ASAP2: variants seen among roughly 807,000 people sequenced by gnomAD.
The protein encoded by ASAP2 is arf-GAP with SH3 domain, ANK repeat and PH domain-containing protein 2.
Under a neutral mutation model 131.4 loss-of-function variants are expected in ASAP2, and 45 were observed. That is an observed-to-expected ratio of 0.34 (90% CI 0.27 to 0.44). The LOEUF (loss-of-function observed/expected upper bound fraction) is 0.44. ASAP2 is among the 20% of genes least tolerant of loss of function. ASAP2 has a pLI of 1.00. For missense variants in ASAP2, 1,011 were observed against 1,297.0 expected (o/e 0.78, Z 3.39); for synonymous variants, 510 against 503.0 (o/e 1.01, Z -0.19).
At chr2:9,267,726 C>T (rs540948681) in intron 1 of ASAP2, among the ~76,000 whole-genome samples, 3 of 151,758 alleles carry the variant, frequency 2.0e-5, no homozygotes, top group Non-Finnish European at 4.4e-5. Flanking sequence ...GTGAAACCCC[C>T]GTCTCTACTA....
intron 1 of ASAP2, among the ~76,000 whole-genome samples, chr2:9,209,133 G>A (rs1392105067): frequency 6.6e-6 from 1 of 152,190 alleles, no homozygotes; most frequent in African/African-American, 2.4e-5. Context: ...TCATTAAATT[G>A]CAAGCTTGCT....
chr2:9,340,013 A>G (rs1671474175), intron 9 of ASAP2, among the ~76,000 whole-genome samples: 1 of 152,074 alleles, frequency 6.6e-6, no homozygotes, highest in Non-Finnish European at 1.5e-5. Flanking sequence ...ATGTTTGCCC[A>G]TGTCTGCAGC....
chr2:9,347,512 C>G (rs1200620291), intron 11 of ASAP2, among the ~76,000 whole-genome samples: 1 of 152,170 alleles, frequency 6.6e-6, no homozygotes, highest in Non-Finnish European at 1.5e-5. Flanking sequence ...CGAAGCAGGT[C>G]TTTAAGAAAT....
chr2:9,371,294 G>A (rs1045103630), intron 16 of ASAP2, among the ~76,000 whole-genome samples: 9 of 152,054 alleles, frequency 5.9e-5, no homozygotes, highest in African/African-American at 2.2e-4. Context: ...TATAGCATTT[G>A]GCTCTATTTT....
Position 9,404,669 on chromosome 2 carries a change from T to C in ASAP2, c.*1342T>C, listed in dbSNP as rs1677048733. The C allele has an allele frequency of 6.6e-6, 1 of 152,440 alleles. No individual in the cohort carries two copies. 9.4% of individuals were successfully genotyped at this position (152,440 alleles called of 1,614,324 possible). On this transcript the variant is annotated 3_prime_UTR_variant, in exon 28 of 28. Transcript: ENST00000281419. Reference sequence around the variant, plus strand: ...TTGGAAAGTGAGGCAGCAATGCTGTTAACTGCATTTGTTGTGATGGTGCAT... The same window carrying C: ...TTGGAAAGTGAGGCAGCAATGCTGTCAACTGCATTTGTTGTGATGGTGCAT...
chr2:9,338,203 G>A (rs559470158), intron 9 of ASAP2, among the ~76,000 whole-genome samples: 31 of 152,128 alleles, frequency 2.0e-4, no homozygotes, highest in Non-Finnish European at 4.1e-4. Flanking sequence ...TGCTTCTATG[G>A]GGAGGATCAG....
intron 3 of ASAP2, among the ~76,000 whole-genome samples, chr2:9,302,690 G>C (rs984739629): frequency 1.3e-5 from 2 of 152,046 alleles, no homozygotes; most frequent in African/African-American, 4.8e-5. Flanking sequence ...GGCCAGGCTG[G>C]TCTCGAACTC....
chr2:9,305,863 A>G (rs1241576696), intron 3 of ASAP2, among the ~76,000 whole-genome samples: 3 of 131,234 alleles, frequency 2.3e-5, no homozygotes, highest in South Asian at 2.6e-4. Flanking sequence ...ATTGGTGTAG[A>G]GGCTGTAGTA....
chr2:9,207,904 C>T lies in ASAP2; in HGVS notation c.126+674C>T, dbSNP rs1205953087. Among the ~76,000 whole-genome samples the T allele has an allele frequency of 2.0e-5, 3 of 152,214 alleles. No homozygotes were observed. The highest frequency in any genetic ancestry group is 4.4e-5 in the Non-Finnish European group (3 of 68,032). ...CCGGAATGCCGCCCTTCCCCCTCAACCTGGAAAAGGCCTGGTTTTAGTAAA... is the reference window on the plus strand; with the variant it reads ...CCGGAATGCCGCCCTTCCCCCTCAATCTGGAAAAGGCCTGGTTTTAGTAAA... On this transcript the variant is annotated intron_variant, in intron 1 of 27. Transcript: ENST00000281419. The surrounding 1 kb of genome is among the most constrained non-coding windows in gnomAD (Gnocchi z 4.1).
intron 3 of ASAP2, among the ~76,000 whole-genome samples, chr2:9,304,648 G>A (rs1172779069): frequency 3.3e-5 from 5 of 151,174 alleles, no homozygotes; most frequent in African/African-American, 1.2e-4. Flanking sequence ...ATTGGTGGAG[G>A]GGTTGTAGTA....
At chr2:9,298,814 GC>G (rs2148401669) in intron 3 of ASAP2, among the ~76,000 whole-genome samples, 1 of 152,304 alleles carries the variant, frequency 6.6e-6, no homozygotes, top group Non-Finnish European at 1.5e-5. Context: ...ACACAGAGCT[GC>G]CTGTTAGCTT....
Position 9,217,034 on chromosome 2 carries a change from T to TA in ASAP2, c.126+9805dup, listed in dbSNP as rs1355298745. ...AGGGGCCAGCAAAATTAGGCCACGGTACCAAGTTCATGGAGCTTGGAGGTG... is the reference window on the plus strand; with the variant it reads ...AGGGGCCAGCAAAATTAGGCCACGGTAACCAAGTTCATGGAGCTTGGAGGTG... On this transcript the variant is annotated intron_variant, in intron 1 of 27. Transcript: ENST00000281419. The surrounding 1 kb of genome is among the most constrained non-coding windows in gnomAD (Gnocchi z 4.0). 6.6e-6 allele frequency among the ~76,000 whole-genome samples: 1 copy of TA among 152,224 alleles called. No individual in the cohort carries two copies. The highest frequency in any genetic ancestry group is 1.5e-5 in the Non-Finnish European group (1 of 68,028).
chr2:9,331,565 C>G (rs922945275), intron 7 of ASAP2, among the ~76,000 whole-genome samples: 3 of 152,086 alleles, frequency 2.0e-5, no homozygotes, highest in Non-Finnish European at 2.9e-5. Context: ...GTCAGGAGTT[C>G]AAGACCAGCC....
chr2:9,368,527 T>C lies in ASAP2; in HGVS notation c.1556+8T>C, dbSNP rs780178524. 1.1e-5 allele frequency: 18 copies of C among 1,611,116 alleles called. No individual in the cohort carries two copies. In the East Asian group the frequency reaches 3.3e-4, roughly 30 times the overall value. ...CAACCCAGGCAGCGACATGTAAGTA[T>C]GGGACTGGCTATTCTCATTTGCTGA... On this transcript the variant is annotated splice_region_variant and intron_variant, in intron 16 of 27. Transcript: ENST00000281419.
At chr2:9,318,683 C>A in intron 4 of ASAP2, 85 bp downstream of exon 4, 2 of 833,896 alleles carry the variant, frequency 2.4e-6, no homozygotes, top group Non-Finnish European at 1.9e-6. Flanking sequence ...AGCAGCCACG[C>A]CAGTACGTTC....
At chr2:9,386,923 G>A (rs1027003303) in intron 21 of ASAP2, among the ~76,000 whole-genome samples, 16 of 152,216 alleles carry the variant, frequency 1.1e-4, no homozygotes, top group Non-Finnish European at 1.6e-4. Context: ...GCACATGACC[G>A]GCCGAGCGCG....
rs143591778 is a variant in ASAP2, at chr2:9,344,800, C to T, written c.1023C>T (p.Thr341=). ...KNGFLTISHG[T]ANRPPAKLNL... ...GTTTTCTGACCATATCCCATGGTAC[C>T]GTAAGTATTCTCTTTTAATCCATGG... The change falls in exon 11 of 28, where the codon ACC becomes ACT. Residue 341 remains threonine, a splice_region_variant and synonymous_variant. Transcript: ENST00000281419. 6.5e-5 allele frequency: 104 copies of T among 1,611,178 alleles called. No individual in the cohort carries two copies. Among genetic ancestry groups the T allele is most frequent in the Non-Finnish European group, 7.5e-5 (88 of 1,177,666 alleles).
chr2:9,348,126 G>A (rs1020000144), intron 11 of ASAP2, among the ~76,000 whole-genome samples: 19 of 152,076 alleles, frequency 1.2e-4, no homozygotes, highest in Admixed American at 7.2e-4. Context: ...CTGTTTGTTT[G>A]TTTGTTTGTT....
intron 3 of ASAP2, among the ~76,000 whole-genome samples, chr2:9,313,554 G>A (rs1031210149): frequency 3.3e-5 from 5 of 152,158 alleles, no homozygotes; most frequent in Admixed American, 2.6e-4. Context: ...TGCCTTTGGC[G>A]CTGCCCCCGC....
Sources: gnomAD v4.1 joint callset for allele counts (sites outside exome capture counted in the v4.1 genomes callset) on GRCh38, gnomAD v4.1.1 for gene constraint, Gnocchi (gnomAD v3.1) non-coding constraint, MANE v1.5 for transcripts, NCBI Gene and HGNC (gene_info 2026-07-23, HGNC 2026-07-21) for gene names.